Variants in GPR137C observed in about 807,000 individuals in gnomAD.
GPR137C encodes integral membrane protein GPR137C.
GPR137C carries 27 observed loss-of-function variants against 43.4 expected under a neutral mutation model. That is an observed-to-expected ratio of 0.62 (90% CI 0.46 to 0.86). The LOEUF is 0.86. Among genes scored for constraint, GPR137C ranks in the 40% least tolerant of loss-of-function variants. The pLI is 0.00. For missense variants in GPR137C, 522 were observed against 534.6 expected, an observed-to-expected ratio of 0.98 and a Z score of 0.23; for synonymous variants, 285 against 226.9, an observed-to-expected ratio of 1.26 and a Z score of -2.30.
At chr14:52,572,348 A>G (rs895013440) in intron 1 of GPR137C, among the ~76,000 whole-genome samples, 2 of 152,242 alleles carry the variant, frequency 1.3e-5, no homozygotes, top group South Asian at 2.1e-4. Context: ...AAAATCCTCA[A>G]TAAAATACTG....
intron 3 of GPR137C, among the ~76,000 whole-genome samples, chr14:52,626,583 GA>G (rs1163930427): frequency 1.3e-5 from 2 of 151,894 alleles, no homozygotes; most frequent in African/African-American, 4.8e-5. Flanking sequence ...CCTAAGATTG[GA>G]AACAAAGCAA....
chr14:52,617,197 AC>A (rs2139561704), intron 3 of GPR137C, among the ~76,000 whole-genome samples: 1 of 152,174 alleles, frequency 6.6e-6, no homozygotes, highest in Non-Finnish European at 1.5e-5. Context: ...TCCCTCACAC[AC>A]ACACACATAT....
intron 3 of GPR137C, among the ~76,000 whole-genome samples, chr14:52,610,031 T>G (rs2039022073): frequency 6.6e-6 from 1 of 152,222 alleles, no homozygotes; most frequent in Non-Finnish European, 1.5e-5. Flanking sequence ...TATTGTTCCC[T>G]CTGCCTAAAT....
intron 3 of GPR137C, among the ~76,000 whole-genome samples, chr14:52,607,424 T>C (rs1158311552): frequency 6.6e-6 from 1 of 152,220 alleles, no homozygotes; most frequent in Non-Finnish European, 1.5e-5. Context: ...GCAGTTTATC[T>C]CTCCCTTTAG....
rs2038101724 is a variant in GPR137C at position 52,552,975 on chromosome 14, T to C, written c.-173T>C. Among the ~76,000 whole-genome samples, 1 of 134,812 alleles carries C rather than the reference T, an allele frequency of 7.4e-6. No individual in the cohort carries two copies. The highest frequency in any genetic ancestry group is 1.6e-5 in the Non-Finnish European group (1 of 63,300). The allele number at this position is 134,812 out of a possible 152,430, so 88.4% of individuals were successfully genotyped here. The stretch of plus-strand genomic sequence containing the variant: ...GGGTGGGGGGAAAGAGGAGGCGGGG[T>C]CCGGGGGAGCCGCGGCTGCTTTGCG... On this transcript the variant is annotated 5_prime_UTR_variant, in exon 1 of 7. Coordinates refer to ENST00000321662, the MANE Select transcript of GPR137C (RefSeq NM_001099652.2).
intron 1 of GPR137C, among the ~76,000 whole-genome samples, chr14:52,565,915 G>A (rs1473854039): frequency 6.6e-6 from 1 of 152,054 alleles, no homozygotes; most frequent in African/African-American, 2.4e-5. Context: ...TTATTTTTCT[G>A]GGCCAGTTGT....
chr14:52,618,603 G>T (rs1460082925), intron 3 of GPR137C, among the ~76,000 whole-genome samples: 1 of 151,772 alleles, frequency 6.6e-6, no homozygotes, highest in East Asian at 1.9e-4. Flanking sequence ...CTTTTTATCA[G>T]AATTATAACT....
At chr14:52,587,810 G>A (rs779544330) in intron 1 of GPR137C, among the ~76,000 whole-genome samples, 2 of 152,090 alleles carry the variant, frequency 1.3e-5, no homozygotes, top group East Asian at 1.9e-4. Flanking sequence ...TAACTAAACC[G>A]TAAGTTTGAA....
intron 1 of GPR137C, chr14:52,596,917 G>A (rs2038863599): frequency 2.2e-6 from 1 of 454,020 alleles, no homozygotes; most frequent in African/African-American, 2.0e-5. Context: ...ACCTTGCTAG[G>A]TGCTGCAGAC....
At chr14:52,604,199 A>G (rs186552792) in intron 3 of GPR137C, among the ~76,000 whole-genome samples, 82 of 152,164 alleles carry the variant, frequency 5.4e-4, no homozygotes, top group African/African-American at 2.0e-3. Flanking sequence ...ATTTACTCCC[A>G]TTCTATAGGT....
Position 52,624,129 on chromosome 14 carries a change from C to T in GPR137C, c.718-8031C>T, listed in dbSNP as rs1475009981. Among the ~76,000 whole-genome samples the T allele has an allele frequency of 2.0e-5, 3 of 148,806 alleles. No individual in the cohort carries two copies. In the East Asian group the frequency reaches 5.9e-4, roughly 29 times the overall value. Reference sequence around the variant, plus strand: ...TTTTTTTAAGTTTTTGAAGAAAATTCTTAAATATTGTAAAATAAATCTTCA... The same window carrying T: ...TTTTTTTAAGTTTTTGAAGAAAATTTTTAAATATTGTAAAATAAATCTTCA... On this transcript the variant is annotated intron_variant, in intron 3 of 6. Coordinates refer to ENST00000321662, the MANE Select transcript of GPR137C (RefSeq NM_001099652.2).
At chr14:52,578,143 A>C (rs1447343120) in intron 1 of GPR137C, among the ~76,000 whole-genome samples, 3 of 152,108 alleles carry the variant, frequency 2.0e-5, no homozygotes, top group African/African-American at 7.2e-5. Context: ...TTTCATAGTG[A>C]TGTATCTTCA....
At chr14:52,580,964 TGA>T (rs1181121279) in intron 1 of GPR137C, among the ~76,000 whole-genome samples, 1 of 150,298 alleles carries the variant, frequency 6.7e-6, no homozygotes, top group Admixed American at 6.6e-5. Context: ...TTTGGGAGGC[TGA>T]GACAGGTGGA....
chr14:52,626,964 A>G (rs2039234707), intron 3 of GPR137C, among the ~76,000 whole-genome samples: 1 of 152,254 alleles, frequency 6.6e-6, no homozygotes, highest in South Asian at 2.1e-4. Flanking sequence ...AAACCAAAGA[A>G]GACCTAAAAT....
At chr14:52,633,482 T>G (rs1440743111) in intron 4 of GPR137C, 48 bp from the exon 5 acceptor site, 2 of 1,570,474 alleles carry the variant, frequency 1.3e-6, no homozygotes, top group East Asian at 2.2e-5. Context: ...AGGTGATTGC[T>G]TATACAATAA....
chr14:52,626,787 A>G (rs1262495427), intron 3 of GPR137C, among the ~76,000 whole-genome samples: 1 of 152,212 alleles, frequency 6.6e-6, no homozygotes. Context: ...AGGTCAAAAT[A>G]CAAACAAATT....
intron 1 of GPR137C, among the ~76,000 whole-genome samples, chr14:52,574,729 A>G (rs1339763374): frequency 6.6e-6 from 1 of 152,190 alleles, no homozygotes; most frequent in Non-Finnish European, 1.5e-5. Context: ...AAAAATCCAG[A>G]TTAAAGCAAG....
chr14:52,599,770 TAATC>T lies in GPR137C; in HGVS notation c.489-339_489-336del, dbSNP rs199591127. 1.6e-4 allele frequency among the ~76,000 whole-genome samples: 25 copies of T among 152,376 alleles called. No individual in the cohort carries two copies. The East Asian group carries it at 2.9e-3, about 18-fold the overall frequency. On this transcript the variant is annotated intron_variant, in intron 2 of 6. Coordinates refer to ENST00000321662, the MANE Select transcript of GPR137C (RefSeq NM_001099652.2). ...ATTAATATTTTAATCAATTAAAATT[TAATC>T]AATATGAATTTAGATACAGTATATT...
intron 1 of GPR137C, among the ~76,000 whole-genome samples, chr14:52,556,179 C>T (rs1326048047): frequency 1.3e-5 from 2 of 152,006 alleles, no homozygotes; most frequent in Non-Finnish European, 2.9e-5. Flanking sequence ...TTGCTGTATG[C>T]CGTATTAAAT....
Sources: gnomAD v4.1 joint callset for allele counts (sites outside exome capture counted in the v4.1 genomes callset) on GRCh38, gnomAD v4.1.1 for gene constraint, MANE v1.5 for transcripts, NCBI Gene and HGNC (gene_info 2026-07-23, HGNC 2026-07-21) for gene names.